ZFHX3: variants seen among roughly 807,000 people sequenced by gnomAD.
ZFHX3 encodes the protein zinc finger homeobox 3.
ZFHX3 carries 42 observed loss-of-function variants against 279.1 expected under a neutral mutation model. That is an observed-to-expected ratio of 0.15 (90% CI 0.12 to 0.19). The LOEUF (loss-of-function observed/expected upper bound fraction) is 0.19, where lower values mean the gene tolerates loss of function less well. ZFHX3 is among the 10% of genes least tolerant of loss of function. The pLI is 1.00. For missense variants in ZFHX3, 4,981 were observed against 4,754.0 expected (o/e 1.05, Z -1.40); for synonymous variants, 2,293 against 1,957.8 (o/e 1.17, Z -4.52).
intron 1 of ZFHX3, among the ~76,000 whole-genome samples, chr16:73,788,508 C>A (rs1959727797): frequency 6.6e-6 from 1 of 152,112 alleles, no homozygotes; most frequent in African/African-American, 2.4e-5. Context: ...GTTATCATGC[C>A]TCACATCATT....
intron 7 of ZFHX3, among the ~76,000 whole-genome samples, chr16:72,810,777 G>A (rs2036422172): frequency 6.6e-6 from 1 of 152,108 alleles, no homozygotes; most frequent in African/African-American, 2.4e-5. Context: ...GAAATTGCGG[G>A]TTCAAATCTC....
chr16:72,884,916 G>A (rs765134094), intron 4 of ZFHX3, among the ~76,000 whole-genome samples: 21 of 152,176 alleles, frequency 1.4e-4, no homozygotes, highest in Non-Finnish European at 2.5e-4. Context: ...ACCTGTGGGT[G>A]GGTAAGTATG....
intron 3 of ZFHX3, among the ~76,000 whole-genome samples, chr16:73,429,148 A>G (rs1295602781): frequency 2.0e-5 from 3 of 152,096 alleles, no homozygotes; most frequent in African/African-American, 7.2e-5. Flanking sequence ...GGCCATATCT[A>G]GCAACTCTCC....
At chr16:73,815,416 G>C (rs1960540177) in intron 1 of ZFHX3, among the ~76,000 whole-genome samples, 2 of 151,468 alleles carry the variant, frequency 1.3e-5, no homozygotes, top group Non-Finnish European at 2.9e-5. Context: ...ACCATGAGAA[G>C]TGACCTTCCA....
exon 8 of ZFHX3, chr16:73,093,256 A>C: frequency 2.0e-6 from 1 of 508,842 alleles, no homozygotes; most frequent in Non-Finnish European, 3.9e-6. Flanking sequence ...TTCCAGGTTC[A>C]CTCAAAGGCC....
chr16:73,101,624 A>T (rs1966232092), intron 7 of ZFHX3, among the ~76,000 whole-genome samples: 1 of 151,300 alleles, frequency 6.6e-6, no homozygotes. Flanking sequence ...CTGGGCTCGA[A>T]CTCCTGACAT....
chr16:73,025,466 G>T (rs1964463949), intron 1 of ZFHX3, among the ~76,000 whole-genome samples: 1 of 152,218 alleles, frequency 6.6e-6, no homozygotes, highest in Non-Finnish European at 1.5e-5. Context: ...TCCCCGTATT[G>T]TGGAGCCCTC....
intron 3 of ZFHX3, among the ~76,000 whole-genome samples, chr16:72,929,654 C>T (rs962818465): frequency 1.3e-5 from 2 of 152,182 alleles, no homozygotes; most frequent in African/African-American, 2.4e-5. Flanking sequence ...TGGGGCCACG[C>T]GGGCTGCGAC....
At chr16:73,692,337 C>T (rs373274409) in intron 1 of ZFHX3, among the ~76,000 whole-genome samples, 2 of 152,142 alleles carry the variant, frequency 1.3e-5, no homozygotes, top group African/African-American at 4.8e-5. Flanking sequence ...TGGGGAGCTA[C>T]AGAAGAGAAC....
chr16:72,898,378 T>C (rs756815244), intron 3 of ZFHX3, among the ~76,000 whole-genome samples: 10 of 152,232 alleles, frequency 6.6e-5, no homozygotes, highest in Non-Finnish European at 2.9e-5. Context: ...AAGCCATGAT[T>C]GCTCACTCTC....
At chr16:73,701,475 GATA>G (rs1472686747) in intron 1 of ZFHX3, among the ~76,000 whole-genome samples, 5 of 152,180 alleles carry the variant, frequency 3.3e-5, no homozygotes, top group Non-Finnish European at 5.9e-5. Context: ...ACAGAGGATT[GATA>G]ATGAAAATGC....
At chr16:73,799,964 G>A (rs1960096161) in intron 1 of ZFHX3, among the ~76,000 whole-genome samples, 1 of 152,044 alleles carries the variant, frequency 6.6e-6, no homozygotes, top group South Asian at 2.1e-4. Flanking sequence ...GGAGGCCGAG[G>A]AGGATCTCCC....
chr16:73,851,482 C>T (rs1961592539), intron 1 of ZFHX3, among the ~76,000 whole-genome samples: 1 of 152,170 alleles, frequency 6.6e-6, no homozygotes, highest in Non-Finnish European at 1.5e-5. Flanking sequence ...GAGGTTCTAA[C>T]CTCCTGAAGT....
intron 5 of ZFHX3, among the ~76,000 whole-genome samples, chr16:73,253,108 A>G (rs1375363608): frequency 1.3e-5 from 2 of 152,180 alleles, no homozygotes; most frequent in East Asian, 1.9e-4. Flanking sequence ...GAACTGCACC[A>G]TTCCACCCTC....
intron 1 of ZFHX3, among the ~76,000 whole-genome samples, chr16:73,011,291 AT>A (rs113239121): frequency 1.5e-3 from 225 of 146,172 alleles, no homozygotes; most frequent in Middle Eastern, 3.5e-3. Flanking sequence ...GCCCTGGCTA[AT>A]TTTTTTTTTT....
intron 1 of ZFHX3, among the ~76,000 whole-genome samples, chr16:72,982,042 C>T (rs1255070705): frequency 6.6e-6 from 1 of 151,962 alleles, no homozygotes; most frequent in Non-Finnish European, 1.5e-5. Context: ...ACCACCATGC[C>T]CGGCTAATTT....
chr16:73,799,884 C>T (rs879846769), intron 1 of ZFHX3, among the ~76,000 whole-genome samples: 4 of 152,056 alleles, frequency 2.6e-5, no homozygotes, highest in East Asian at 3.9e-4. Flanking sequence ...ATGCACATAA[C>T]GTACACGAAT....
chr16:73,085,954 G>A (rs142899351), intron 8 of ZFHX3, among the ~76,000 whole-genome samples: 656 of 49,622 alleles, frequency 0.013, 5 homozygotes, highest in African/African-American at 0.05. Context: ...TCAGTAACCA[G>A]AATATATAAG....
At chr16:73,489,959 C>A (rs1188983893) in intron 2 of ZFHX3, among the ~76,000 whole-genome samples, 1 of 152,120 alleles carries the variant, frequency 6.6e-6, no homozygotes, top group African/African-American at 2.4e-5. Context: ...ACAGTGTCTC[C>A]ATTCATGCTA....
Sources: gnomAD v4.1 joint callset for allele counts (sites outside exome capture counted in the v4.1 genomes callset) on GRCh38, gnomAD v4.1.1 for gene constraint, MANE v1.5 for transcripts, NCBI Gene and HGNC (gene_info 2026-07-23, HGNC 2026-07-21) for gene names.